RUVBL1: variants seen among roughly 807,000 people sequenced by gnomAD.
RUVBL1 encodes the protein ruvB-like 1.
A neutral mutation model predicts 52.4 loss-of-function variants in RUVBL1; 4 were observed. That is an observed-to-expected ratio of 0.08 (90% CI 0.04 to 0.17). RUVBL1 has a LOEUF of 0.17. RUVBL1 is among the 10% of genes least tolerant of loss of function. The pLI, the probability that RUVBL1 is intolerant of heterozygous loss-of-function variation, is 1.00. For missense variants in RUVBL1, 298 were observed against 572.8 expected, an observed-to-expected ratio of 0.52 and a Z score of 4.90; for synonymous variants, 217 against 214.4, an observed-to-expected ratio of 1.01 and a Z score of -0.10.
At chr3:128,096,338 G>A (rs893836105) in intron 8 of RUVBL1, among the ~76,000 whole-genome samples, 1 of 152,246 alleles carries the variant, frequency 6.6e-6, no homozygotes, top group Non-Finnish European at 1.5e-5. Flanking sequence ...AGCGTGGAGA[G>A]TGCTTAGGAG....
At chr3:128,127,342 C>A (rs976038710), upstream of RUVBL1, among the ~76,000 whole-genome samples, 14 of 152,236 alleles carry the variant, frequency 9.2e-5, no homozygotes, top group African/African-American at 3.1e-4. Flanking sequence ...TACTACATTC[C>A]AGAATTGTGC....
At chr3:128,124,396 A>G (rs1407608552), upstream of RUVBL1, among the ~76,000 whole-genome samples, 1 of 152,062 alleles carries the variant, frequency 6.6e-6, no homozygotes, top group East Asian at 1.9e-4. Flanking sequence ...AGGTAGTGTA[A>G]TTACGCATGC....
At chr3:128,133,088 T>G (rs1408731042) in intron 1 of RUVBL1, among the ~76,000 whole-genome samples, 1 of 152,170 alleles carries the variant, frequency 6.6e-6, no homozygotes, top group Non-Finnish European at 1.5e-5. Flanking sequence ...TGAGTGAGCA[T>G]CAGCGGTAGC....
chr3:128,103,454 C>T (rs1468913201), intron 4 of RUVBL1, among the ~76,000 whole-genome samples: 1 of 151,992 alleles, frequency 6.6e-6, no homozygotes, highest in Non-Finnish European at 1.5e-5. Context: ...GAAAAATGGC[C>T]CTTTGAAGAA....
At chr3:128,149,949 A>C (rs567594066) in intron 1 of RUVBL1, among the ~76,000 whole-genome samples, 1 of 152,358 alleles carries the variant, frequency 6.6e-6, no homozygotes, top group South Asian at 2.1e-4. Context: ...TATGCTTAGC[A>C]TGCAGCTTCT....
chr3:128,089,048 T>C (rs1942745713), intron 8 of RUVBL1, among the ~76,000 whole-genome samples: 1 of 152,238 alleles, frequency 6.6e-6, no homozygotes. Flanking sequence ...AGTATTCTCA[T>C]TCTGAAATAT....
chr3:128,076,569 T>C (rs1942332047), downstream of RUVBL1, among the ~76,000 whole-genome samples: 1 of 151,996 alleles, frequency 6.6e-6, no homozygotes, highest in South Asian at 2.1e-4. This position sits in a 1 kb window ranked among gnomAD's most constrained non-coding sequence, Gnocchi z 6.8. Flanking sequence ...CTGGTGGACC[T>C]GGTGGCTGAG....
chr3:128,067,650 G>A lies in RUVBL1; in HGVS notation c.940-2430C>T, dbSNP rs1433654311. The A allele has an allele frequency of 1.3e-6, 2 of 1,502,598 alleles. No homozygotes were observed. The allele number at this position is 1,502,598 out of a possible 1,614,324, so 93.1% of individuals were successfully genotyped here. On this transcript the variant is annotated intron_variant, in intron 9 of 9. Coordinates refer to the RUVBL1 transcript ENST00000464873. The surrounding 1 kb of genome is among the most constrained non-coding windows in gnomAD (Gnocchi z 4.1). ...AAAACTTTCTGGAAGGGTGATGAAA[G>A]TGTGACTGGTATAAGGGGTGTGGAC... is the stretch of plus-strand genomic sequence containing the variant.
At position 128,067,846 on chromosome 3, in the gene RUVBL1, T is replaced by C; in HGVS notation, c.940-2626A>G. 1 of 764,688 alleles carries C rather than the reference T, an allele frequency of 1.3e-6. No individual in the cohort carries two copies. Among genetic ancestry groups the C allele is most frequent in the Admixed American group, 2.2e-5 (1 of 46,498 alleles). 47.4% of individuals were successfully genotyped at this position (764,688 alleles called of 1,614,324 possible). ...AGTTAGACTTTTTCATATGACTTCC[T>C]TGCGGCAGTTTTAAAGTTCTCTGTA... On this transcript the variant is annotated intron_variant, in intron 9 of 9. Transcript: ENST00000464873. The surrounding 1 kb of genome is among the most constrained non-coding windows in gnomAD (Gnocchi z 4.1).
Position 128,101,624 on chromosome 3 carries a change from A to G in RUVBL1, c.538T>C (p.Leu180=). Residue 180 remains leucine (L), a synonymous_variant, in exon 5 of 11, where the codon TTG becomes CTG. Transcript: ENST00000322623. The part of the protein sequence containing the change: ...LKLDPSIFES[L]QKERVEAGDV... ...CCAGCTTCTACTCGCTCTTTCTGCA[A>G]ACTTTCAAAAATGCTGGGGTCCAGC... 6.2e-7 allele frequency: 1 copy of G among 1,614,044 alleles called. No individual in the cohort carries two copies. Among genetic ancestry groups the G allele is most frequent in the Non-Finnish European group, 8.5e-7 (1 of 1,180,046 alleles).
At chr3:128,085,447 C>T (rs922888738) in intron 9 of RUVBL1, among the ~76,000 whole-genome samples, 5 of 152,204 alleles carry the variant, frequency 3.3e-5, no homozygotes, top group Non-Finnish European at 7.3e-5. Context: ...CAAGAATTGC[C>T]TGGGACTGTT....
At chr3:128,138,460 T>C (rs1943976769) in intron 1 of RUVBL1, among the ~76,000 whole-genome samples, 1 of 152,022 alleles carries the variant, frequency 6.6e-6, no homozygotes, top group African/African-American at 2.4e-5. Context: ...CCATTTGCAA[T>C]ATCTACAAAT....
At chr3:128,111,712 A>G (rs1157296882) in intron 3 of RUVBL1, among the ~76,000 whole-genome samples, 1 of 152,196 alleles carries the variant, frequency 6.6e-6, no homozygotes, top group Non-Finnish European at 1.5e-5. Context: ...TCAATGTAAA[A>G]TCAAAAGCTT....
intron 4 of RUVBL1, among the ~76,000 whole-genome samples, chr3:128,102,726 C>T (rs776482333): frequency 7.2e-5 from 11 of 152,028 alleles, no homozygotes; most frequent in Non-Finnish European, 1.0e-4. Context: ...CTTTTTGGGG[C>T]GATGAAAATG....
chr3:128,069,789 TC>T, intron 9 of RUVBL1: 1 of 865,396 alleles, frequency 1.2e-6, no homozygotes, highest in Non-Finnish European at 1.8e-6. Context: ...ATTCTTTCAT[TC>T]CACTGTGTAA....
upstream of RUVBL1, among the ~76,000 whole-genome samples, chr3:128,124,833 C>A (rs1279767201): frequency 6.6e-6 from 1 of 152,028 alleles, no homozygotes; most frequent in Non-Finnish European, 1.5e-5. Context: ...TGAATTCCAA[C>A]AAATAGGAGA....
exon 1 of RUVBL1, chr3:128,153,574 C>T (rs745566929): frequency 3.2e-6 from 5 of 1,549,878 alleles, no homozygotes; most frequent in South Asian, 1.2e-5. Context: ...CAAGACGGCG[C>T]TGGCGCGGGC....
intron 2 of RUVBL1, among the ~76,000 whole-genome samples, chr3:128,113,755 T>A (rs540575280): frequency 6.6e-6 from 1 of 152,232 alleles, no homozygotes. Context: ...TTTACAGTCA[T>A]CCAAAATTGT....
At chr3:128,144,556 C>T (rs541301004) in intron 1 of RUVBL1, among the ~76,000 whole-genome samples, 6 of 152,198 alleles carry the variant, frequency 3.9e-5, no homozygotes, top group Non-Finnish European at 7.3e-5. Flanking sequence ...AGGATGTCTT[C>T]GTGGGCTAGA....
Sources: allele counts gnomAD v4.1 joint callset (sites outside exome capture counted in the v4.1 genomes callset), GRCh38; gene constraint gnomAD v4.1.1; non-coding constraint Gnocchi (gnomAD v3.1); transcripts MANE v1.5; gene names NCBI Gene and HGNC (gene_info 2026-07-23, HGNC 2026-07-21).